PCDH15: variants seen among roughly 807,000 people sequenced by gnomAD.
PCDH15 encodes protocadherin related 15.
A neutral mutation model predicts 178.5 loss-of-function variants in PCDH15; 129 were observed. The observed-to-expected ratio is 0.72, with a 90% CI of 0.63 to 0.84. PCDH15 has a LOEUF of 0.84. PCDH15 is among the 40% of genes least tolerant of loss of function. PCDH15 has a pLI of 0.00. For synonymous variants in PCDH15, 800 were observed against 732.0 expected (o/e 1.09, Z -1.50); for missense variants, 2,230 against 2,099.9 (o/e 1.06, Z -1.21).
intron 1 of PCDH15, among the ~76,000 whole-genome samples, chr10:55,246,043 A>T (rs2132217716): frequency 6.6e-6 from 1 of 152,298 alleles, no homozygotes; most frequent in South Asian, 2.1e-4. Flanking sequence ...CATCTGGAAA[A>T]TCAATAAAGC....
intron 2 of PCDH15, among the ~76,000 whole-genome samples, chr10:55,135,387 A>C (rs901232948): frequency 6.6e-6 from 1 of 151,776 alleles, no homozygotes; most frequent in African/African-American, 2.4e-5. Flanking sequence ...TGCTAATTTC[A>C]AACCATGAAA....
At chr10:54,936,365 G>T (rs371344507) in intron 2 of PCDH15, among the ~76,000 whole-genome samples, 5 of 151,856 alleles carry the variant, frequency 3.3e-5, no homozygotes, top group African/African-American at 1.2e-4. Context: ...GTGTATAGTC[G>T]CATGTTTTCC....
intron 2 of PCDH15, among the ~76,000 whole-genome samples, chr10:55,059,284 T>A (rs1448289797): frequency 6.6e-6 from 1 of 152,206 alleles, no homozygotes; most frequent in African/African-American, 2.4e-5. Flanking sequence ...ACAAATGTTG[T>A]CATTTATAAT....
chr10:55,524,640 C>G (rs1212338873), intron 2 of PCDH15, among the ~76,000 whole-genome samples: 1 of 151,362 alleles, frequency 6.6e-6, no homozygotes, highest in Non-Finnish European at 1.5e-5. Flanking sequence ...ATCCATATCA[C>G]TTGTAAATAT....
intron 3 of PCDH15, among the ~76,000 whole-genome samples, chr10:54,424,105 A>T (rs1488024360): frequency 2.6e-5 from 4 of 151,926 alleles, no homozygotes; most frequent in Non-Finnish European, 5.9e-5. Flanking sequence ...AAAGTTTGCA[A>T]TCTACTTATC....
At chr10:54,395,754 C>T (rs1951133145) in intron 3 of PCDH15, among the ~76,000 whole-genome samples, 1 of 152,058 alleles carries the variant, frequency 6.6e-6, no homozygotes, top group Admixed American at 6.6e-5. Context: ...TGTAATAATA[C>T]ATGAGTACCA....
At chr10:53,952,035 C>T (rs2087112359) in intron 23 of PCDH15, among the ~76,000 whole-genome samples, 1 of 152,148 alleles carries the variant, frequency 6.6e-6, no homozygotes, top group African/African-American at 2.4e-5. Flanking sequence ...GTGGTGGCAC[C>T]CAGTAGATTG....
At chr10:55,256,627 C>T (rs1324821054) in intron 1 of PCDH15, among the ~76,000 whole-genome samples, 1 of 152,190 alleles carries the variant, frequency 6.6e-6, no homozygotes, top group Admixed American at 6.5e-5. Flanking sequence ...TCGCTCATTG[C>T]TAGCACAGCA....
chr10:54,290,706 C>A (rs1273852755), intron 8 of PCDH15, among the ~76,000 whole-genome samples: 1 of 151,950 alleles, frequency 6.6e-6, no homozygotes, highest in Non-Finnish European at 1.5e-5. Context: ...GGAAGATCTA[C>A]CAAACAAATG....
intron 2 of PCDH15, among the ~76,000 whole-genome samples, chr10:55,339,989 T>G (rs1844506530): frequency 6.6e-6 from 1 of 151,390 alleles, no homozygotes; most frequent in Non-Finnish European, 1.5e-5. Context: ...AAAGAGACTG[T>G]CGTATCTTAT....
intron 7 of PCDH15, among the ~76,000 whole-genome samples, chr10:54,323,922 A>C (rs756465356): frequency 1.3e-5 from 2 of 152,152 alleles, no homozygotes; most frequent in African/African-American, 2.4e-5. Flanking sequence ...ATATTTGCCT[A>C]ATATTTCTTA....
At chr10:55,130,600 G>A (rs1207928526) in intron 2 of PCDH15, among the ~76,000 whole-genome samples, 1 of 151,800 alleles carries the variant, frequency 6.6e-6, no homozygotes, top group East Asian at 1.9e-4. Context: ...CATAGGTAAG[G>A]TGGAAATAAT....
At chr10:55,496,716 G>A (rs1840542946) in intron 2 of PCDH15, among the ~76,000 whole-genome samples, 1 of 151,868 alleles carries the variant, frequency 6.6e-6, no homozygotes, top group African/African-American at 2.4e-5. Flanking sequence ...ACACATATAT[G>A]TCTATACATA....
chr10:54,958,074 G>C (rs1838536596), intron 2 of PCDH15, among the ~76,000 whole-genome samples: 1 of 151,726 alleles, frequency 6.6e-6, no homozygotes, highest in Non-Finnish European at 1.5e-5. Flanking sequence ...TGTCCCTAGA[G>C]ATTCAAAGTT....
intron 2 of PCDH15, among the ~76,000 whole-genome samples, chr10:55,000,124 C>T (rs1320364364): frequency 2.0e-5 from 3 of 152,120 alleles, no homozygotes; most frequent in African/African-American, 7.2e-5. Context: ...GAGCAGACAA[C>T]CAGTCTCACT....
upstream of PCDH15, chr10:54,801,407 T>C (rs1952641999): frequency 6.6e-6 from 1 of 152,210 alleles, no homozygotes; most frequent in Non-Finnish European, 1.5e-5. Flanking sequence ...CACCAATTAG[T>C]AGCAGGTGCT....
At chr10:54,173,912 C>T (rs572671862) in intron 13 of PCDH15, among the ~76,000 whole-genome samples, 1 of 152,016 alleles carries the variant, frequency 6.6e-6, no homozygotes, top group South Asian at 2.1e-4. Flanking sequence ...TTTGAGGAAG[C>T]GGCATTTAAA....
chr10:54,637,657 T>C (rs1163577610), intron 2 of PCDH15, among the ~76,000 whole-genome samples: 1 of 152,056 alleles, frequency 6.6e-6, no homozygotes, highest in Non-Finnish European at 1.5e-5. Context: ...TCTTTTCAGG[T>C]CAGCTGACTG....
chr10:54,227,241 C>T (rs570997654), intron 9 of PCDH15, among the ~76,000 whole-genome samples: 1 of 152,218 alleles, frequency 6.6e-6, no homozygotes, highest in Non-Finnish European at 1.5e-5. Flanking sequence ...TCTGCCTTAA[C>T]ATACAAGGCA....
Sources: gnomAD v4.1 joint callset for allele counts (sites outside exome capture counted in the v4.1 genomes callset) on GRCh38, gnomAD v4.1.1 for gene constraint, MANE v1.5 for transcripts, NCBI Gene and HGNC (gene_info 2026-07-23, HGNC 2026-07-21) for gene names.